The following NRXN3 variants were observed in gnomAD, a reference collection of about 807,000 sequenced individuals.
NRXN3 encodes the protein neurexin 3, also known as neurexin III.
Under a neutral mutation model 137.6 loss-of-function variants are expected in NRXN3, and 32 were observed. That is an observed-to-expected ratio of 0.23 (90% CI 0.18 to 0.31). NRXN3 has a LOEUF of 0.31. Among genes scored for constraint, NRXN3 ranks in the 10% least tolerant of loss-of-function variants. The pLI, the probability that NRXN3 is intolerant of heterozygous loss-of-function variation, is 1.00. For missense variants in NRXN3, 1,574 were observed against 2,062.5 expected, an observed-to-expected ratio of 0.76 and a Z score of 4.59; for synonymous variants, 798 against 784.5, an observed-to-expected ratio of 1.02 and a Z score of -0.29.
intron 16 of NRXN3, among the ~76,000 whole-genome samples, chr14:79,477,563 A>G (rs1206256493): frequency 6.6e-6 from 1 of 152,134 alleles, no homozygotes; most frequent in African/African-American, 2.4e-5. Context: ...GACATAGTGT[A>G]GAAGATTTGA....
At chr14:78,615,516 C>A (rs1375272228) in intron 4 of NRXN3, among the ~76,000 whole-genome samples, 1 of 151,358 alleles carries the variant, frequency 6.6e-6, no homozygotes, top group Non-Finnish European at 1.5e-5. Context: ...GAGGCTGAGG[C>A]AGGAGAATGG....
chr14:78,709,297 C>A lies in NRXN3; in HGVS notation c.1302C>A (p.Gly434=). The A allele has an allele frequency of 6.2e-7, 1 of 1,614,084 alleles. No homozygotes were observed. Among genetic ancestry groups the A allele is most frequent in the South Asian group, 1.1e-5 (1 of 91,070 alleles). The change falls in exon 7 of 21, where the codon GGC becomes GGA. Residue 434 remains glycine (G), a synonymous_variant. Coordinates refer to ENST00000335750, the MANE Select transcript of NRXN3 (RefSeq NM_001330195.2). ...RIADTKMKIY[G]EVVFKCENVA... Reference sequence around the variant, plus strand: ...CGGACACCAAGATGAAAATCTATGGCGAAGTTGTGTTTAAGTGTGAGAATG... The same window carrying A: ...CGGACACCAAGATGAAAATCTATGGAGAAGTTGTGTTTAAGTGTGAGAATG...
At chr14:79,236,369 T>TTGTATATG (rs748390483) in intron 15 of NRXN3, among the ~76,000 whole-genome samples, 8 of 152,124 alleles carry the variant, frequency 5.3e-5, no homozygotes, top group Non-Finnish European at 8.8e-5. Flanking sequence ...TCACATACAT[T>TTGTATATG]TATGTATATG....
At chr14:79,018,984 A>G (rs553800399) in intron 15 of NRXN3, among the ~76,000 whole-genome samples, 30 of 152,180 alleles carry the variant, frequency 2.0e-4, no homozygotes, top group African/African-American at 6.7e-4. Flanking sequence ...TTGAATTTTT[A>G]TCTTCTTACT....
intron 16 of NRXN3, among the ~76,000 whole-genome samples, chr14:79,538,820 G>A (rs1229191163): frequency 6.6e-6 from 1 of 152,178 alleles, no homozygotes; most frequent in African/African-American, 2.4e-5. Context: ...GAAGGACAGT[G>A]TTAGGATGAA....
intron 2 of NRXN3, among the ~76,000 whole-genome samples, chr14:78,267,689 C>T (rs902517642): frequency 3.9e-5 from 6 of 152,148 alleles, no homozygotes; most frequent in Admixed American, 3.9e-4. Flanking sequence ...TTTCTCTCCA[C>T]TCAGTTGTTG....
intron 19 of NRXN3, among the ~76,000 whole-genome samples, chr14:79,752,940 A>G (rs1298233401): frequency 2.0e-5 from 3 of 152,258 alleles, no homozygotes; most frequent in African/African-American, 7.2e-5. Flanking sequence ...AAAAGAAGAC[A>G]TTTATGCAAC....
At chr14:78,513,727 G>A (rs11159370) in intron 4 of NRXN3, among the ~76,000 whole-genome samples, 63,284 of 151,854 alleles carry the variant, frequency 0.42, 13,354 homozygotes, top group East Asian at 0.5. Flanking sequence ...ACATCAGCTC[G>A]TGAGCTCATA....
intron 15 of NRXN3, among the ~76,000 whole-genome samples, chr14:79,105,176 G>T (rs1022325222): frequency 6.6e-6 from 1 of 152,056 alleles, no homozygotes; most frequent in Non-Finnish European, 1.5e-5. Flanking sequence ...ACTTGATCAT[G>T]GCATAGATAT....
At chr14:78,252,385 C>T (rs1007329550) in intron 2 of NRXN3, among the ~76,000 whole-genome samples, 1 of 152,156 alleles carries the variant, frequency 6.6e-6, no homozygotes, top group Non-Finnish European at 1.5e-5. Context: ...GGGACAAGAA[C>T]TGTAGGCAAT....
intron 15 of NRXN3, among the ~76,000 whole-genome samples, chr14:78,995,463 C>G (rs1367909717): frequency 6.6e-6 from 1 of 152,144 alleles, no homozygotes; most frequent in Non-Finnish European, 1.5e-5. Flanking sequence ...GACTCTGTCC[C>G]TTAATATCTA....
chr14:78,964,142 G>T (rs1346055721), intron 11 of NRXN3, among the ~76,000 whole-genome samples: 1 of 152,130 alleles, frequency 6.6e-6, no homozygotes, highest in African/African-American at 2.4e-5. Flanking sequence ...GTATGATCTG[G>T]TTTAGTCTCC....
intron 16 of NRXN3, among the ~76,000 whole-genome samples, chr14:79,487,312 G>T (rs577867724): frequency 4.0e-5 from 6 of 151,674 alleles, no homozygotes; most frequent in Non-Finnish European, 7.4e-5. Flanking sequence ...TCACTGCATC[G>T]CATTTCATTT....
rs889873091 is a variant in NRXN3, at chr14:79,359,283, G to A, written c.3263-107938G>A. Among the ~76,000 whole-genome samples the A allele has an allele frequency of 2.7e-3, 410 of 151,972 alleles. 2 individuals carry two copies. The highest frequency in any genetic ancestry group is 9.4e-3 in the African/African-American group (389 of 41,444). On this transcript the variant is annotated intron_variant, in intron 15 of 20. Coordinates refer to ENST00000335750, the MANE Select transcript of NRXN3 (RefSeq NM_001330195.2). ...CTGTGGAAGTCACCTTCAGAGTAAG[G>A]GTGGGGGTGACTGTCCTTGCCAATT...
At chr14:79,086,782 T>C (rs1182155536) in intron 15 of NRXN3, among the ~76,000 whole-genome samples, 1 of 152,208 alleles carries the variant, frequency 6.6e-6, no homozygotes, top group Non-Finnish European at 1.5e-5. Flanking sequence ...GACTTCCGTA[T>C]GAAAAGTCTT....
chr14:79,774,118 T>C (rs1361060037), intron 19 of NRXN3, among the ~76,000 whole-genome samples: 1 of 152,166 alleles, frequency 6.6e-6, no homozygotes, highest in African/African-American at 2.4e-5. Flanking sequence ...ACGTGATTTA[T>C]GATGAAAATC....
chr14:79,406,261 A>ATCCTCTCCCC (rs1316800575), intron 15 of NRXN3, among the ~76,000 whole-genome samples: 8 of 65,886 alleles, frequency 1.2e-4, no homozygotes, highest in African/African-American at 4.8e-4. Context: ...CTCCCCTCCC[A>ATCCTCTCCCC]TCCTCTCCCC....
At chr14:79,038,123 C>A (rs1330950574) in intron 15 of NRXN3, among the ~76,000 whole-genome samples, 2 of 151,990 alleles carry the variant, frequency 1.3e-5, no homozygotes, top group African/African-American at 4.8e-5. Flanking sequence ...AAAACTCAGA[C>A]CTGTTCTTTC....
At chr14:79,677,138 G>A (rs570845035) in intron 17 of NRXN3, among the ~76,000 whole-genome samples, 12 of 151,860 alleles carry the variant, frequency 7.9e-5, no homozygotes, top group Non-Finnish European at 1.6e-4. Context: ...CTTTAGAAAT[G>A]TTTCTTTATT....
Sources: allele counts gnomAD v4.1 joint callset (sites outside exome capture counted in the v4.1 genomes callset), GRCh38; gene constraint gnomAD v4.1.1; transcripts MANE v1.5; gene names NCBI Gene and HGNC (gene_info 2026-07-23, HGNC 2026-07-21).